GON4L: variants seen among roughly 807,000 people sequenced by gnomAD.
The protein encoded by GON4L is GON-4-like protein.
In GON4L, 87 loss-of-function variants were observed where a neutral mutation model predicts 211.8. The observed-to-expected ratio is 0.41, with a 90% CI of 0.35 to 0.49. The LOEUF (loss-of-function observed/expected upper bound fraction) is 0.49. Among genes scored for constraint, GON4L ranks in the 20% least tolerant of loss-of-function variants. GON4L has a pLI of 0.15. For synonymous variants in GON4L, 875 were observed against 962.6 expected (o/e 0.91, Z 1.68); for missense variants, 2,155 against 2,659.5 (o/e 0.81, Z 4.17).
At chr1:155,763,184 A>G in intron 22 of GON4L, 128 bp downstream of exon 22, 1 of 767,764 alleles carries the variant, frequency 1.3e-6, no homozygotes, top group Non-Finnish European at 2.1e-6. Flanking sequence ...GGGGTGTTGC[A>G]GAAGAGATCC....
chr1:155,756,786 G>C (rs910979200), intron 27 of GON4L, 172 bp downstream of exon 27: 2 of 582,576 alleles, frequency 3.4e-6, no homozygotes, highest in African/African-American at 1.9e-5. Flanking sequence ...TTTGCTGGGC[G>C]TGGTGGCTGG....
intron 2 of GON4L, among the ~76,000 whole-genome samples, chr1:155,847,151 G>A (rs141566062): frequency 2.4e-4 from 37 of 152,258 alleles, no homozygotes; most frequent in Admixed American, 1.8e-3. Context: ...CCGTGAGTTC[G>A]AACCCTTCTG....
At chr1:155,845,920 C>A (rs537576834) in intron 2 of GON4L, 184 of 218,754 alleles carry the variant, frequency 8.4e-4, no homozygotes, top group African/African-American at 4.1e-3. Flanking sequence ...CTACAGTGGG[C>A]ACTCTTTCCC....
At chr1:155,812,314 C>T (rs986054899) in intron 10 of GON4L, among the ~76,000 whole-genome samples, 3 of 151,922 alleles carry the variant, frequency 2.0e-5, no homozygotes, top group Non-Finnish European at 4.4e-5. Flanking sequence ...AATTGAAGAA[C>T]ATTCTACAAA....
chr1:155,788,625 T>C (rs970092451), intron 12 of GON4L, among the ~76,000 whole-genome samples: 3 of 152,264 alleles, frequency 2.0e-5, no homozygotes, highest in Middle Eastern at 3.4e-3. Context: ...ATCTGTAGTA[T>C]ATATACACAA....
chr1:155,848,373 A>C (rs1671450627), intron 2 of GON4L, among the ~76,000 whole-genome samples: 2 of 152,132 alleles, frequency 1.3e-5, no homozygotes, highest in African/African-American at 4.8e-5. Context: ...GAGCAGTGTT[A>C]ATCATTTCTT....
At chr1:155,748,531 G>T (rs991393713), downstream of GON4L, 2 of 1,613,734 alleles carry the variant, frequency 1.2e-6, no homozygotes, top group African/African-American at 2.7e-5. Flanking sequence ...GTGGGAAAAA[G>T]GTATGAAGCT....
At position 155,813,797 on chromosome 1, in the gene GON4L, T is replaced by C; in HGVS notation, c.1289A>G (p.Lys430Arg). 6.2e-7 allele frequency: 1 copy of C among 1,613,724 alleles called. No individual in the cohort carries two copies. Among genetic ancestry groups the C allele is most frequent in the Non-Finnish European group, 8.5e-7 (1 of 1,179,716 alleles). The part of the protein sequence containing the change: ...EESGILSEAE[K>R]VTTPAIRHIS... The stretch of plus-strand genomic sequence containing the variant: ...GTGCCTGATGGCTGGTGTGGTGACT[T>C]TCTCAGCCTGATTAAAAGAGGTGAC... The change falls in exon 10 of 32, where the codon AAA becomes AGA. Residue 430 changes from lysine (K) to arginine (R), a missense_variant. By Grantham distance (26) the Lys-to-Arg change is conservative. Coordinates refer to ENST00000368331, the MANE Select transcript of GON4L (RefSeq NM_001282860.2).
chr1:155,754,276 T>TACAC (rs747781434), intron 28 of GON4L, 99 bp downstream of exon 28: 1 of 791,158 alleles, frequency 1.3e-6, no homozygotes, highest in Admixed American at 1.7e-5. Flanking sequence ...ATGTTATTTA[T>TACAC]ATATGTGCCT....
At position 155,765,321 on chromosome 1, in the gene GON4L, A is replaced by G. The variant is rs1307685906; in HGVS notation, c.4152T>C (p.Ser1384=). 1 of 1,613,402 alleles carries G rather than the reference A, an allele frequency of 6.2e-7. No individual in the cohort carries two copies. The highest frequency in any genetic ancestry group is 1.1e-5 in the South Asian group (1 of 91,036). ...AAGATGAAGGGGTTTTAGTTGGCTG[A>G]CTCCTCTCCTCTTCCTTCTGTAAGA... ...QTVLQKEEER[S]QPTKTPSSSQ... Residue 1384 remains serine, a synonymous_variant, in exon 21 of 32, where the codon AGT becomes AGC. Coordinates refer to ENST00000368331, the MANE Select transcript of GON4L (RefSeq NM_001282860.2).
At chr1:155,759,149 A>G (rs980533847) in intron 24 of GON4L, among the ~76,000 whole-genome samples, 3 of 151,912 alleles carry the variant, frequency 2.0e-5, no homozygotes, top group African/African-American at 4.8e-5. Flanking sequence ...GGTGTGCACC[A>G]CCACACCCAG....
Position 155,766,566 on chromosome 1 carries a change from G to A in GON4L, c.2907C>T (p.Tyr969=), listed in dbSNP as rs1662512824. The stretch of plus-strand genomic sequence containing the variant: ...CTACACCCTTAGGCAATAGCAGTGG[G>A]TACCGAGATTCACTCCCCAACTCCA... ...DNLELGSESR[Y]PLLLPKGVVL... is the part of the protein sequence containing the mutation. The change falls in exon 21 of 32, where the codon TAC becomes TAT. Residue 969 remains tyrosine (Y), a synonymous_variant. Coordinates refer to ENST00000368331, the MANE Select transcript of GON4L (RefSeq NM_001282860.2). 2 of 1,613,928 alleles carry A rather than the reference G, an allele frequency of 1.2e-6. No individual in the cohort carries two copies. Among genetic ancestry groups the A allele is most frequent in the Admixed American group, 3.3e-5 (2 of 59,976 alleles).
At chr1:155,754,531 T>A in intron 27 of GON4L, 43 bp from the exon 28 acceptor site, 1 of 1,159,872 alleles carries the variant, frequency 8.6e-7, no homozygotes, top group Non-Finnish European at 1.2e-6. Flanking sequence ...GTTGTTTTTT[T>A]TTTTTTTTTT....
chr1:155,827,228 T>C (rs1437198673), intron 2 of GON4L, among the ~76,000 whole-genome samples, 200 bp from the exon 3 acceptor site: 1 of 152,216 alleles, frequency 6.6e-6, no homozygotes, highest in Non-Finnish European at 1.5e-5. Flanking sequence ...ACTAGGTAAT[T>C]GCTGAGGTCT....
intron 12 of GON4L, among the ~76,000 whole-genome samples, chr1:155,791,354 A>C (rs1264800074): frequency 6.6e-6 from 1 of 152,012 alleles, no homozygotes; most frequent in African/African-American, 2.4e-5. Context: ...AAGATGTAAC[A>C]GGGGAAAAGT....
At chr1:155,745,130 T>C (rs985727758), downstream of GON4L, among the ~76,000 whole-genome samples, 1 of 152,242 alleles carries the variant, frequency 6.6e-6, no homozygotes, top group Admixed American at 6.5e-5. Context: ...GCAGAATATA[T>C]TCATTCTTTA....
intron 2 of GON4L, among the ~76,000 whole-genome samples, chr1:155,848,815 A>C (rs1671488212): frequency 6.6e-6 from 1 of 152,248 alleles, no homozygotes; most frequent in Admixed American, 6.5e-5. Flanking sequence ...TTAAACATCA[A>C]AATGTGTTTT....
Position 155,826,956 on chromosome 1 carries a change from C to T in GON4L, c.578G>A (p.Ser193Asn). The change falls in exon 3 of 32, where the codon AGC becomes AAC. Residue 193 changes from serine (S) to asparagine (N), a missense_variant. Ser to Asn is a conservative substitution (Grantham distance 46). Coordinates refer to ENST00000368331, the MANE Select transcript of GON4L (RefSeq NM_001282860.2). The part of the protein sequence containing the change: ...PSGSQSAKPV[S>N]QPRKSTQPDV... ...TGGCTGGGTTGATTTCCTGGGCTGG[C>T]TTACTGGTTTTGCAGATTGGCTGCC... is the stretch of plus-strand genomic sequence containing the variant. 7 of 1,614,028 alleles carry T rather than the reference C, an allele frequency of 4.3e-6. No individual in the cohort carries two copies. Among genetic ancestry groups the T allele is most frequent in the Non-Finnish European group, 5.9e-6 (7 of 1,179,918 alleles).
chr1:155,748,970 T>C (rs73001016), downstream of GON4L, among the ~76,000 whole-genome samples: 855 of 152,288 alleles, frequency 5.6e-3, 7 homozygotes, highest in African/African-American at 0.019. Flanking sequence ...TTAAGTTTCT[T>C]GGGCTAGGCA....
Sources: allele counts gnomAD v4.1 joint callset (sites outside exome capture counted in the v4.1 genomes callset), GRCh38; gene constraint gnomAD v4.1.1; transcripts MANE v1.5; gene names NCBI Gene and HGNC (gene_info 2026-07-23, HGNC 2026-07-21).